CSNK1A1: variants seen among roughly 807,000 people sequenced by gnomAD.
The protein encoded by CSNK1A1 is casein kinase I isoform alpha.
In CSNK1A1, 7 loss-of-function variants were observed where a neutral mutation model predicts 46.1. The ratio of observed to expected loss-of-function variants is 0.15; its 90% CI spans 0.09 to 0.29. CSNK1A1 has a LOEUF of 0.29. Among genes scored for constraint, CSNK1A1 ranks in the 10% least tolerant of loss-of-function variants. The pLI is 1.00. For synonymous variants in CSNK1A1, 137 were observed against 141.5 expected (o/e 0.97, Z 0.23); for missense variants, 96 against 417.1 (o/e 0.23, Z 6.71).
At chr5:149,528,385 G>C (rs921180783) in intron 2 of CSNK1A1, among the ~76,000 whole-genome samples, 4 of 152,142 alleles carry the variant, frequency 2.6e-5, no homozygotes, top group African/African-American at 9.7e-5. Context: ...TAAGAGACAG[G>C]AGTTTACATC....
chr5:149,536,120 A>C (rs1345223444), intron 2 of CSNK1A1, among the ~76,000 whole-genome samples: 1 of 152,034 alleles, frequency 6.6e-6, no homozygotes, highest in African/African-American at 2.4e-5. Flanking sequence ...CGCCTGACTA[A>C]TTTTGTATTT....
At chr5:149,524,746 C>T (rs1166163075) in intron 3 of CSNK1A1, among the ~76,000 whole-genome samples, 3 of 152,110 alleles carry the variant, frequency 2.0e-5, no homozygotes, top group Non-Finnish European at 2.9e-5. Flanking sequence ...TATATGCATA[C>T]ATACACTCTA....
chr5:149,534,803 C>A (rs115056340), intron 2 of CSNK1A1, among the ~76,000 whole-genome samples: 1 of 151,056 alleles, frequency 6.6e-6, no homozygotes, highest in Non-Finnish European at 1.5e-5. Flanking sequence ...TGGTGGCATG[C>A]GCCTGTACTC....
At chr5:149,549,874 G>A (rs1762601271) in intron 2 of CSNK1A1, among the ~76,000 whole-genome samples, 1 of 152,206 alleles carries the variant, frequency 6.6e-6, no homozygotes, top group Non-Finnish European at 1.5e-5. Flanking sequence ...AAATGGAGCA[G>A]TGTAATACAA....
At chr5:149,505,311 C>CTTT (rs573347539) in intron 9 of CSNK1A1, 136 bp downstream of exon 9, 14 of 1,103,660 alleles carry the variant, frequency 1.3e-5, no homozygotes, top group Non-Finnish European at 1.6e-5. Flanking sequence ...CCAAGGACGT[C>CTTT]TTTTTTTTTT....
intron 2 of CSNK1A1, among the ~76,000 whole-genome samples, chr5:149,528,317 A>G (rs981642525): frequency 6.6e-6 from 1 of 152,240 alleles, no homozygotes; most frequent in Non-Finnish European, 1.5e-5. Context: ...GCAACCATGC[A>G]GTTCTAAAAC....
At chr5:149,497,325 T>C (rs1580812931) in intron 9 of CSNK1A1, 1 of 987,280 alleles carries the variant, frequency 1.0e-6, no homozygotes. Context: ...CATAATTATC[T>C]GTATTATTTT....
At chr5:149,536,258 TG>T (rs1762060416) in intron 2 of CSNK1A1, among the ~76,000 whole-genome samples, 1 of 152,134 alleles carries the variant, frequency 6.6e-6, no homozygotes, top group African/African-American at 2.4e-5. Context: ...CAGCCTCAAA[TG>T]GTTTTCTTTA....
intron 6 of CSNK1A1, 35 bp from the exon 7 acceptor site, chr5:149,509,988 A>C (rs1395541824): frequency 7.0e-7 from 1 of 1,419,680 alleles, no homozygotes. Context: ...AGATATACTC[A>C]GTGCTACTGA....
chr5:149,503,484 T>G (rs928741770), intron 9 of CSNK1A1: 2 of 985,316 alleles, frequency 2.0e-6, no homozygotes, highest in African/African-American at 1.7e-5. Context: ...CAATGACATG[T>G]GATGTGTTTT....
chr5:149,550,300 G>T lies in CSNK1A1; in HGVS notation c.124-119C>A. The T allele has an allele frequency of 7.4e-6, 11 of 1,488,258 alleles. No individual in the cohort carries two copies. Among genetic ancestry groups the T allele is most frequent in the East Asian group, 2.3e-5 (1 of 42,634 alleles). 92.2% of individuals were successfully genotyped at this position (1,488,258 alleles called of 1,614,324 possible). ...GACTACAAGAAGAAGTGAAAAGCTGGAAAGAGAAAGCTCTCGGTAATTATA... is the reference window on the plus strand; with the variant it reads ...GACTACAAGAAGAAGTGAAAAGCTGTAAAGAGAAAGCTCTCGGTAATTATA... On this transcript the variant is annotated intron_variant, in intron 1 of 9. Transcript: ENST00000377843. The surrounding 1 kb of genome is among the most constrained non-coding windows in gnomAD (Gnocchi z 4.3).
chr5:149,503,484 T>A, intron 9 of CSNK1A1: 1 of 985,434 alleles, frequency 1.0e-6, no homozygotes, highest in African/African-American at 1.7e-5. Flanking sequence ...CAATGACATG[T>A]GATGTGTTTT....
At chr5:149,545,678 T>C (rs760603320) in intron 2 of CSNK1A1, 14 of 810,558 alleles carry the variant, frequency 1.7e-5, no homozygotes, top group Non-Finnish European at 2.6e-5. Flanking sequence ...TTGGCCTGCA[T>C]CTTCTTTAGG....
intron 9 of CSNK1A1, among the ~76,000 whole-genome samples, chr5:149,500,810 TAAAAA>T (rs34965894): frequency 7.0e-6 from 1 of 143,670 alleles, no homozygotes; most frequent in African/African-American, 2.5e-5. Flanking sequence ...AAAGAATAAT[TAAAAA>T]AAAAAAACCT....
chr5:149,548,130 C>T (rs1450826202), intron 2 of CSNK1A1, among the ~76,000 whole-genome samples: 4 of 152,226 alleles, frequency 2.6e-5, no homozygotes, highest in Non-Finnish European at 5.9e-5. Flanking sequence ...CTTGGCCTCC[C>T]AAAGTGCTTG....
chr5:149,504,183 C>A (rs1282826604), intron 9 of CSNK1A1: 1 of 985,286 alleles, frequency 1.0e-6, no homozygotes, highest in African/African-American at 1.7e-5. Flanking sequence ...TTACATGTCA[C>A]CATCTGAAAA....
chr5:149,537,974 A>G (rs1451806170), intron 2 of CSNK1A1, among the ~76,000 whole-genome samples: 2 of 150,174 alleles, frequency 1.3e-5, no homozygotes, highest in Non-Finnish European at 3.0e-5. Flanking sequence ...AAAGAATGCA[A>G]GCCTCACAAA....
intron 2 of CSNK1A1, among the ~76,000 whole-genome samples, chr5:149,540,954 C>A (rs980207081): frequency 5.9e-5 from 9 of 151,806 alleles, no homozygotes; most frequent in Non-Finnish European, 1.5e-5. Flanking sequence ...GTGGCGGGCA[C>A]CTGTAGTCCC....
intron 5 of CSNK1A1, 81 bp from the exon 6 acceptor site, chr5:149,511,953 A>G: frequency 9.8e-7 from 1 of 1,015,798 alleles, no homozygotes; most frequent in Non-Finnish European, 1.5e-6. Flanking sequence ...ACCCAGAAGA[A>G]ATGTTCCCAA....
Sources: allele counts gnomAD v4.1 joint callset (sites outside exome capture counted in the v4.1 genomes callset), GRCh38; gene constraint gnomAD v4.1.1; non-coding constraint Gnocchi (gnomAD v3.1); transcripts MANE v1.5; gene names NCBI Gene and HGNC (gene_info 2026-07-23, HGNC 2026-07-21).